Variants in ATP9B observed in about 807,000 individuals in gnomAD.
ATP9B encodes probable phospholipid-transporting ATPase IIB.
ATP9B carries 110 observed loss-of-function variants against 146.1 expected under a neutral mutation model. The ratio of observed to expected loss-of-function variants is 0.75; its 90% CI spans 0.65 to 0.88. The LOEUF is 0.88. Among genes scored for constraint, ATP9B ranks in the 40% least tolerant of loss-of-function variants. The pLI, the probability that ATP9B is intolerant of heterozygous loss-of-function variation, is 0.00. For synonymous variants in ATP9B, 604 were observed against 569.7 expected, an observed-to-expected ratio of 1.06 and a Z score of -0.86; for missense variants, 1,499 against 1,496.4, an observed-to-expected ratio of 1.00 and a Z score of -0.03.
Position 79,206,991 on chromosome 18 carries a change from G to A in ATP9B, c.1009G>A (p.Ala337Thr), listed in dbSNP as rs191700008. ...ESLSIENTLW[A>T]STIVASGTVI... ...TCTCAGCATAGAAAATACATTGTGG[G>A]CAAGCACCATTGTTGCATCAGGTAA... The change falls in exon 10 of 30, where the codon GCA (alanine) becomes ACA (threonine). Residue 337 changes from alanine (A) to threonine (T), a missense_variant. By Grantham distance (58) the Ala-to-Thr change is moderately conservative (BLOSUM62 0). Transcript: ENST00000426216. 74 of 1,614,038 alleles carry A rather than the reference G, an allele frequency of 4.6e-5. 1 individual carries two copies. In the East Asian group the frequency reaches 1.6e-3, roughly 35 times the overall value.
Position 79,285,016 on chromosome 18 carries a change from A to G in ATP9B, c.1411+7820A>G, listed in dbSNP as rs533710937. ...GTGCCACATTTTCTTAATCCAGTCT[A>G]TCATTGTTGGACATTTGGGTTGGTT... On this transcript the variant is annotated intron_variant, in intron 13 of 29. Transcript: ENST00000426216. Among the ~76,000 whole-genome samples, 186 of 152,006 alleles carry G rather than the reference A, an allele frequency of 1.2e-3. 1 individual carries two copies. The highest frequency in any genetic ancestry group is 1.6e-3 in the Non-Finnish European group (108 of 67,998).
intron 13 of ATP9B, among the ~76,000 whole-genome samples, chr18:79,290,531 G>T (rs2096492519): frequency 6.6e-6 from 1 of 152,302 alleles, no homozygotes; most frequent in East Asian, 1.9e-4. Flanking sequence ...CCCTTTCTTT[G>T]ACTAGGAAAG....
At chr18:79,224,846 T>TG (rs1239094716) in intron 11 of ATP9B, among the ~76,000 whole-genome samples, 1 of 152,036 alleles carries the variant, frequency 6.6e-6, no homozygotes, top group South Asian at 2.1e-4. Flanking sequence ...TGCTTGTCCT[T>TG]GGGGGGTTAT....
At chr18:79,140,443 G>A (rs1327561860) in intron 5 of ATP9B, among the ~76,000 whole-genome samples, 1 of 151,970 alleles carries the variant, frequency 6.6e-6, no homozygotes, top group African/African-American at 2.4e-5. Flanking sequence ...AGTGGGGTTG[G>A]TGGGCAGGTT....
intron 23 of ATP9B, among the ~76,000 whole-genome samples, chr18:79,346,666 ACAGTCAGCACACACTCGGCACACACT>A (rs2147519794): frequency 7.2e-6 from 1 of 138,868 alleles, no homozygotes; most frequent in South Asian, 2.5e-4. Flanking sequence ...TGTTCAGTGC[ACAGTCAGCACACACTCGGCACACACT>A]CGGTCAGCGC....
chr18:79,078,976 G>A (rs751079560), intron 1 of ATP9B, among the ~76,000 whole-genome samples: 31 of 152,070 alleles, frequency 2.0e-4, no homozygotes, highest in African/African-American at 7.5e-4. Flanking sequence ...CCATGTCCAC[G>A]CAAAGGACAT....
intron 8 of ATP9B, among the ~76,000 whole-genome samples, chr18:79,182,961 A>G (rs1250641377): frequency 6.6e-6 from 1 of 152,226 alleles, no homozygotes; most frequent in Non-Finnish European, 1.5e-5. Context: ...TAATGTGTGC[A>G]TTGAAAATAA....
intron 13 of ATP9B, among the ~76,000 whole-genome samples, chr18:79,294,193 A>G (rs754718374): frequency 6.6e-6 from 1 of 152,254 alleles, no homozygotes; most frequent in Non-Finnish European, 1.5e-5. Flanking sequence ...TCTGTTGTCC[A>G]TGTGGATTTT....
intron 26 of ATP9B, 156 bp downstream of exon 26, chr18:79,359,618 T>C: frequency 3.2e-6 from 2 of 632,212 alleles, no homozygotes; most frequent in Non-Finnish European, 5.6e-6. Flanking sequence ...CTAATTGTTG[T>C]TGGCATTTTC....
At chr18:79,262,973 TAAC>T (rs1410616670) in intron 12 of ATP9B, among the ~76,000 whole-genome samples, 1 of 152,262 alleles carries the variant, frequency 6.6e-6, no homozygotes, top group Non-Finnish European at 1.5e-5. Context: ...AAATTATAGT[TAAC>T]AAATTTATTT....
At chr18:79,235,650 G>A (rs2148618510) in intron 11 of ATP9B, among the ~76,000 whole-genome samples, 1 of 152,160 alleles carries the variant, frequency 6.6e-6, no homozygotes, top group East Asian at 1.9e-4. Flanking sequence ...CACTTGTCAA[G>A]AAGTAGAATT....
Position 79,377,479 on chromosome 18 carries a change from C to A in ATP9B, c.*96C>A. On this transcript the variant is annotated 3_prime_UTR_variant, in exon 30 of 30. Transcript: ENST00000426216. ...TGAACGCAGGGTTTGCCATTGCTAC[C>A]AAGCAAGCACCACAAGAAAGGGAGG... 6.9e-7 allele frequency: 1 copy of A among 1,448,840 alleles called. No homozygotes were observed. The highest frequency in any genetic ancestry group is 9.3e-7 in the Non-Finnish European group (1 of 1,071,206). The allele number at this position is 1,448,840 out of a possible 1,614,324, so 89.7% of individuals were successfully genotyped here.
At chr18:79,161,585 A>G (rs984861094) in intron 7 of ATP9B, among the ~76,000 whole-genome samples, 1 of 152,226 alleles carries the variant, frequency 6.6e-6, no homozygotes, top group African/African-American at 2.4e-5. Flanking sequence ...ACGGTGGCTC[A>G]CGCTTGTAAT....
intron 12 of ATP9B, among the ~76,000 whole-genome samples, chr18:79,263,997 A>G (rs540492975): frequency 6.6e-6 from 1 of 152,268 alleles, no homozygotes; most frequent in East Asian, 1.9e-4. Context: ...AGGCAGGAGA[A>G]TGGCGTCAAC....
chr18:79,372,877 A>G lies in ATP9B; in HGVS notation c.3065A>G (p.Tyr1022Cys). The G allele has an allele frequency of 6.2e-7, 1 of 1,606,284 alleles. No individual in the cohort carries two copies. Among genetic ancestry groups the G allele is most frequent in the Non-Finnish European group, 8.5e-7 (1 of 1,172,876 alleles). ...CTCATCTGGGTTTTAATAAGTATTT[A>G]CCAAGGTAAGACGAGATCCTTAGTT... ...TFLIWVLISIYQGGILMYGAL... is the reference protein window; with the variant it reads ...TFLIWVLISICQGGILMYGAL... The change falls in exon 27 of 30, where the codon TAC (tyrosine) becomes TGC (cysteine). Residue 1022 changes from tyrosine (Y) to cysteine (C), a missense_variant. Transcript: ENST00000426216.
At chr18:79,106,716 T>C (rs1242485685) in intron 2 of ATP9B, among the ~76,000 whole-genome samples, 1 of 152,208 alleles carries the variant, frequency 6.6e-6, no homozygotes. Flanking sequence ...TACAGGGTTA[T>C]AGAGGAAAAA....
chr18:79,218,939 A>G (rs1205209690), intron 11 of ATP9B, among the ~76,000 whole-genome samples: 1 of 152,218 alleles, frequency 6.6e-6, no homozygotes, highest in Non-Finnish European at 1.5e-5. Flanking sequence ...AAGATTTCCC[A>G]GGGCTTTTAC....
chr18:79,091,465 T>C (rs1403559385), intron 1 of ATP9B, among the ~76,000 whole-genome samples: 2 of 152,208 alleles, frequency 1.3e-5, no homozygotes, highest in Non-Finnish European at 2.9e-5. Context: ...TTCATCAGTG[T>C]TTTATAGTTT....
intron 8 of ATP9B, among the ~76,000 whole-genome samples, chr18:79,185,308 A>G (rs2148046367): frequency 6.6e-6 from 1 of 152,222 alleles, no homozygotes; most frequent in African/African-American, 2.4e-5. Flanking sequence ...CCATGATTAT[A>G]GGAAGTGACA....
Sources: allele counts gnomAD v4.1 joint callset (sites outside exome capture counted in the v4.1 genomes callset), GRCh38; gene constraint gnomAD v4.1.1; transcripts MANE v1.5; gene names NCBI Gene and HGNC (gene_info 2026-07-23, HGNC 2026-07-21).